Variants in DLC1 observed in about 807,000 individuals in gnomAD.
DLC1 encodes rho GTPase-activating protein 7.
Under a neutral mutation model 140.3 loss-of-function variants are expected in DLC1, and 54 were observed. That is an observed-to-expected ratio of 0.38 (90% CI 0.31 to 0.48). The LOEUF (loss-of-function observed/expected upper bound fraction) is 0.48, where lower values mean the gene tolerates loss of function less well. Ranked by LOEUF, DLC1 falls within the 20% of genes least tolerant of loss-of-function variation. The probability of loss-of-function intolerance (pLI) is 0.96; values close to 1 mark genes in which losing one functional copy is unlikely to be tolerated. For synonymous variants in DLC1, 986 were observed against 728.1 expected, an observed-to-expected ratio of 1.35 and a Z score of -5.70; for missense variants, 2,536 against 1,907.0, an observed-to-expected ratio of 1.33 and a Z score of -6.14.
intron 5 of DLC1, among the ~76,000 whole-genome samples, chr8:13,247,634 G>A (rs1030729983): frequency 6.6e-6 from 1 of 152,108 alleles, no homozygotes; most frequent in Non-Finnish European, 1.5e-5. Context: ...CAAGATCCAT[G>A]CTCTCAATTG....
At chr8:13,516,373 C>T (rs1464795086), upstream of DLC1, among the ~76,000 whole-genome samples, 1 of 152,168 alleles carries the variant, frequency 6.6e-6, no homozygotes, top group African/African-American at 2.4e-5. Flanking sequence ...TTTCATTGTT[C>T]ACTGTTATTC....
At chr8:13,141,770 C>A (rs1372049476) in intron 5 of DLC1, among the ~76,000 whole-genome samples, 1 of 152,210 alleles carries the variant, frequency 6.6e-6, no homozygotes, top group African/African-American at 2.4e-5. Flanking sequence ...CGTCTATCTT[C>A]CAAGATTGGC....
intron 5 of DLC1, among the ~76,000 whole-genome samples, chr8:13,121,581 C>G (rs193293536): frequency 6.6e-6 from 1 of 152,160 alleles, no homozygotes; most frequent in Admixed American, 6.5e-5. Flanking sequence ...CAGGGTTTTA[C>G]TCTGTCACCT....
chr8:13,585,180 A>G (rs1410156572), intron 1 of DLC1, among the ~76,000 whole-genome samples: 1 of 152,218 alleles, frequency 6.6e-6, no homozygotes, highest in Non-Finnish European at 1.5e-5. Flanking sequence ...TGTGCATATA[A>G]TCAGAGATCT....
intron 5 of DLC1, among the ~76,000 whole-genome samples, chr8:13,198,980 G>T (rs932798448): frequency 3.3e-5 from 5 of 152,028 alleles, no homozygotes; most frequent in East Asian, 3.9e-4. Context: ...GCCTCCCAAG[G>T]TGCTGGGATT....
At chr8:13,366,065 T>C (rs5010744) in intron 4 of DLC1, among the ~76,000 whole-genome samples, 4 of 152,136 alleles carry the variant, frequency 2.6e-5, no homozygotes, top group Non-Finnish European at 4.4e-5. Flanking sequence ...TTAATTTCTA[T>C]GCTTTCAGCT....
In DLC1 at chr8:13,545,167, T is replaced by A. The variant is rs1803611599; in HGVS notation, c.-125-44971A>T. 2.0e-5 allele frequency among the ~76,000 whole-genome samples: 3 copies of A among 151,954 alleles called. 1 individual carries two copies. The highest frequency in any genetic ancestry group is 1.3e-4 in the Admixed American group (2 of 15,240). On this transcript the variant is annotated intron_variant, in intron 1 of 1. Coordinates refer to the DLC1 transcript ENST00000631382. ...AACATTTATGAACAAAATATTTGAG[T>A]TCACAAAAGAACTAACATTGCATTT...
At chr8:13,217,510 G>A (rs1035619385) in intron 5 of DLC1, among the ~76,000 whole-genome samples, 7 of 152,096 alleles carry the variant, frequency 4.6e-5, no homozygotes, top group African/African-American at 1.7e-4. Context: ...TGAACATTTT[G>A]AGGGAAGAGA....
At chr8:13,306,569 T>A (rs1832439628) in intron 4 of DLC1, among the ~76,000 whole-genome samples, 1 of 149,570 alleles carries the variant, frequency 6.7e-6, no homozygotes, top group Non-Finnish European at 1.5e-5. Flanking sequence ...TGTGTGTGTG[T>A]GTGTGTGTGT....
intron 1 of DLC1, among the ~76,000 whole-genome samples, chr8:13,570,386 C>G (rs1804607703): frequency 6.7e-6 from 1 of 149,050 alleles, no homozygotes; most frequent in Non-Finnish European, 1.5e-5. Context: ...TGCTGGTGCG[C>G]TGCACCCACT....
intron 1 of DLC1, among the ~76,000 whole-genome samples, chr8:13,561,113 G>A (rs1804227023): frequency 1.5e-5 from 2 of 136,316 alleles, no homozygotes; most frequent in African/African-American, 5.3e-5. Flanking sequence ...TATATTTAAA[G>A]TGTTTTTCCT....
chr8:13,299,478 C>CT (rs36119138), intron 5 of DLC1, among the ~76,000 whole-genome samples: 15,074 of 114,538 alleles, frequency 0.13, 1,473 homozygotes, highest in East Asian at 0.36. Flanking sequence ...AGCTCCTCAT[C>CT]TTTTTTTTTT....
intron 4 of DLC1, among the ~76,000 whole-genome samples, chr8:13,361,853 T>C (rs1358173438): frequency 6.6e-6 from 1 of 152,192 alleles, no homozygotes; most frequent in Admixed American, 6.5e-5. Flanking sequence ...ATATCAATAA[T>C]CTTCTATAAG....
chr8:13,269,701 C>CAAAAAAAAAAAAAAAAAAA (rs57030004), intron 5 of DLC1, among the ~76,000 whole-genome samples: 1 of 99,478 alleles, frequency 1.0e-5, no homozygotes, highest in Non-Finnish European at 2.0e-5. Flanking sequence ...AAAACTCTGT[C>CAAAAAAAAAAAAAAAAAAA]AAAAAAAAAA....
chr8:13,370,010 C>G (rs1236262251), intron 4 of DLC1, among the ~76,000 whole-genome samples: 1 of 150,894 alleles, frequency 6.6e-6, no homozygotes, highest in African/African-American at 2.4e-5. Context: ...TCACTTGGCC[C>G]CAGAAGAATG....
At chr8:13,201,204 T>A (rs983611497) in intron 5 of DLC1, among the ~76,000 whole-genome samples, 2 of 152,036 alleles carry the variant, frequency 1.3e-5, no homozygotes, top group South Asian at 4.1e-4. Context: ...TTGGGAATCT[T>A]TCAGAGTTGC....
intron 1 of DLC1, among the ~76,000 whole-genome samples, chr8:13,513,227 G>A (rs1357849803): frequency 2.0e-5 from 3 of 151,932 alleles, no homozygotes; most frequent in Non-Finnish European, 2.9e-5. Context: ...CATTGTTAGA[G>A]GAGACCATCT....
chr8:13,328,974 G>A (rs1040882238), intron 4 of DLC1, among the ~76,000 whole-genome samples: 1 of 152,214 alleles, frequency 6.6e-6, no homozygotes, highest in Admixed American at 6.5e-5. Context: ...ATGTGAAGGG[G>A]ATGGGAAGCT....
intron 1 of DLC1, among the ~76,000 whole-genome samples, chr8:13,577,676 C>A (rs1269831879): frequency 6.6e-6 from 1 of 152,048 alleles, no homozygotes; most frequent in East Asian, 1.9e-4. Context: ...ATTTTTCATT[C>A]CTGATTGAGT....
Sources: gnomAD v4.1 joint callset for allele counts (sites outside exome capture counted in the v4.1 genomes callset) on GRCh38, gnomAD v4.1.1 for gene constraint, MANE v1.5 for transcripts, NCBI Gene and HGNC (gene_info 2026-07-23, HGNC 2026-07-21) for gene names.